The following LGALS4 variants were observed in gnomAD, a reference collection of about 807,000 sequenced individuals.
LGALS4 encodes the protein galectin-4.
In LGALS4, 37 loss-of-function variants were observed where a neutral mutation model predicts 39.6. That is an observed-to-expected ratio of 0.93 (90% CI 0.72 to 1.23). The LOEUF is 1.23. Ranked by LOEUF, LGALS4 falls within the 50% of genes most tolerant of loss-of-function variation. LGALS4 has a pLI of 0.00. For synonymous variants in LGALS4, 160 were observed against 165.5 expected, an observed-to-expected ratio of 0.97 and a Z score of 0.25; for missense variants, 397 against 433.2, an observed-to-expected ratio of 0.92 and a Z score of 0.74.
chr19:38,806,418 A>T, intron 4 of LGALS4, 43 bp downstream of exon 4: 1 of 1,576,286 alleles, frequency 6.3e-7, no homozygotes, highest in South Asian at 1.2e-5. Context: ...GTGGAACTGA[A>T]TTTAGAAAGA....
At chr19:38,810,899 CTTT>C (rs59517682) in intron 2 of LGALS4, among the ~76,000 whole-genome samples, 7 of 125,026 alleles carry the variant, frequency 5.6e-5, no homozygotes, top group Admixed American at 8.3e-5. Flanking sequence ...ACATATTTGA[CTTT>C]TTTTTTTTTT....
rs752658142 is a variant in LGALS4 at position 38,803,587 on chromosome 19, G to C, written c.541-36C>G. The C allele has an allele frequency of 4.3e-6, 7 of 1,612,144 alleles. No individual in the cohort carries two copies. The East Asian group carries it at 1.3e-4, about 31-fold the overall frequency. On this transcript the variant is annotated intron_variant, in intron 6 of 9. Coordinates refer to ENST00000307751, the MANE Select transcript of LGALS4 (RefSeq NM_006149.4). ...AGGAAGAAGCGATATTATTCTCCAA[G>C]AGTCGACAGATATCTATGACACACC...
rs954996468 is a variant in LGALS4 at position 38,805,176 on chromosome 19, A to G, written c.475-1281T>C. On this transcript the variant is annotated intron_variant, in intron 4 of 9. Coordinates refer to ENST00000307751, the MANE Select transcript of LGALS4 (RefSeq NM_006149.4). ...CAGACCCTGCCTCAAAAATAATAATAATAATAATAATAATAATAATAATAA... is the reference window on the plus strand; with the variant it reads ...CAGACCCTGCCTCAAAAATAATAATGATAATAATAATAATAATAATAATAA... 2.2e-5 allele frequency among the ~76,000 whole-genome samples: 3 copies of G among 137,264 alleles called. No homozygotes were observed. In the Admixed American group the frequency reaches 2.2e-4, roughly 10 times the overall value. The allele number at this position is 137,264 out of a possible 152,430, so 90.1% of individuals were successfully genotyped here.
At chr19:38,810,104 C>T (rs965340331) in intron 2 of LGALS4, among the ~76,000 whole-genome samples, 1 of 152,184 alleles carries the variant, frequency 6.6e-6, no homozygotes, top group Non-Finnish European at 1.5e-5. Context: ...TCCCTCTCTC[C>T]GTTCCTTCTG....
chr19:38,810,667 C>T (rs1262419776), intron 2 of LGALS4, among the ~76,000 whole-genome samples: 2 of 151,184 alleles, frequency 1.3e-5, no homozygotes, highest in East Asian at 2.0e-4. Flanking sequence ...CAGCCAGATG[C>T]GATTTTGCCA....
intron 2 of LGALS4, among the ~76,000 whole-genome samples, chr19:38,810,916 T>G (rs1971485612): frequency 6.6e-6 from 1 of 151,408 alleles, no homozygotes; most frequent in Admixed American, 6.6e-5. Context: ...TTTTTTTTTT[T>G]TTGAGACAGA....
chr19:38,810,275 G>A (rs1001858871), intron 2 of LGALS4, among the ~76,000 whole-genome samples: 1 of 151,426 alleles, frequency 6.6e-6, no homozygotes, highest in African/African-American at 2.4e-5. Context: ...CCCACATCAG[G>A]CTCTCAAGTA....
chr19:38,810,448 C>T (rs1027264353), intron 2 of LGALS4, among the ~76,000 whole-genome samples: 44 of 149,638 alleles, frequency 2.9e-4, no homozygotes, highest in African/African-American at 8.7e-4. Flanking sequence ...CTGCAAGCTC[C>T]GCCTCCTGGT....
intron 2 of LGALS4, among the ~76,000 whole-genome samples, chr19:38,810,487 C>T (rs927156099): frequency 1.3e-4 from 19 of 151,448 alleles, no homozygotes; most frequent in Non-Finnish European, 2.4e-4. Context: ...CTCAGCCTCC[C>T]GAGTAGCTGG....
At chr19:38,812,409 C>A in intron 2 of LGALS4, 22 bp downstream of exon 2, 2 of 1,607,768 alleles carry the variant, frequency 1.2e-6, no homozygotes, top group Non-Finnish European at 1.7e-6. Context: ...GCCAGCCCGG[C>A]CTGGCTTGGG....
At position 38,812,888 on chromosome 19, in the gene LGALS4, G is replaced by A. The variant is rs756225110; in HGVS notation, c.-2C>T. The A allele has an allele frequency of 1.7e-5, 27 of 1,611,504 alleles. 1 individual carries two copies. Among genetic ancestry groups the A allele is most frequent in the South Asian group, 1.4e-4 (13 of 91,072 alleles). ...GCCCGGTGCGGGGACATAGGCCATC[G>A]CTCGAGGCTGCGCTAGTGGCTGGTC... On this transcript the variant is annotated 5_prime_UTR_variant, in exon 1 of 10. Coordinates refer to ENST00000307751, the MANE Select transcript of LGALS4 (RefSeq NM_006149.4).
chr19:38,802,462 G>C (rs1971368922), intron 7 of LGALS4, 58 bp from the exon 8 acceptor site: 10 of 1,331,334 alleles, frequency 7.5e-6, no homozygotes, highest in Non-Finnish European at 1.1e-5. Context: ...CCAGATGTGG[G>C]AAGAAATTTT....
intron 4 of LGALS4, among the ~76,000 whole-genome samples, chr19:38,805,260 A>T (rs1391413334): frequency 6.6e-6 from 1 of 151,820 alleles, no homozygotes; most frequent in Non-Finnish European, 1.5e-5. Context: ...GATTGTGTTA[A>T]GCAACCTCTA....
intron 4 of LGALS4, among the ~76,000 whole-genome samples, chr19:38,804,719 G>A (rs548890840): frequency 1.3e-5 from 2 of 152,086 alleles, no homozygotes; most frequent in South Asian, 4.2e-4. Flanking sequence ...ACAGCTACTT[G>A]GGAGGCTGAG....
At chr19:38,808,431 C>T (rs987841561) in intron 3 of LGALS4, among the ~76,000 whole-genome samples, 1 of 151,792 alleles carries the variant, frequency 6.6e-6, no homozygotes, top group African/African-American at 2.4e-5. Flanking sequence ...CGAGGCCAGC[C>T]TGGGCAACAT....
intron 2 of LGALS4, among the ~76,000 whole-genome samples, chr19:38,810,057 C>T (rs1450881721): frequency 6.6e-6 from 1 of 152,232 alleles, no homozygotes; most frequent in African/African-American, 2.4e-5. Context: ...GCTGTTCCCT[C>T]TGCCTGGAAG....
Position 38,803,364 on chromosome 19 carries a change from C to G in LGALS4, c.570+158G>C. 7.2e-6 allele frequency: 5 copies of G among 696,896 alleles called. No homozygotes were observed. In the South Asian group the frequency reaches 9.1e-5, roughly 13 times the overall value. The allele number at this position is 696,896 out of a possible 1,614,324, so 43.2% of individuals were successfully genotyped here. The stretch of plus-strand genomic sequence containing the variant: ...TCCCACTCCTCCTGGAAAACATCCC[C>G]AATTCCTTCTGCTCCCTAAACCTGA... On this transcript the variant is annotated intron_variant, in intron 7 of 9. Coordinates refer to ENST00000307751, the MANE Select transcript of LGALS4 (RefSeq NM_006149.4).
intron 2 of LGALS4, 129 bp from the exon 3 acceptor site, chr19:38,809,077 G>T: frequency 1.4e-6 from 1 of 722,086 alleles, no homozygotes; most frequent in Non-Finnish European, 2.3e-6. Context: ...CAGCTCTGAG[G>T]GGCAACCTTG....
chr19:38,808,538 C>T (rs1291245515), intron 3 of LGALS4, among the ~76,000 whole-genome samples: 1 of 150,592 alleles, frequency 6.6e-6, no homozygotes, highest in Non-Finnish European at 1.5e-5. Context: ...GCAGGAGAAG[C>T]TCTTGAACCC....
Sources: gnomAD v4.1 joint callset for allele counts (sites outside exome capture counted in the v4.1 genomes callset) on GRCh38, gnomAD v4.1.1 for gene constraint, MANE v1.5 for transcripts, NCBI Gene and HGNC (gene_info 2026-07-23, HGNC 2026-07-21) for gene names.